The following WWOX variants were observed in gnomAD, a reference collection of about 807,000 sequenced individuals.
WWOX encodes the protein WW domain containing oxidoreductase.
A neutral mutation model predicts 46.2 loss-of-function variants in WWOX; 69 were observed. The ratio of observed to expected loss-of-function variants is 1.49; its 90% confidence interval spans 1.23 to 1.82. The LOEUF (loss-of-function observed/expected upper bound fraction) is 1.82. Among genes scored for constraint, WWOX ranks in the 40% most tolerant of loss-of-function variants. The probability of loss-of-function intolerance (pLI) is 0.00; values close to 1 mark genes in which losing one functional copy is unlikely to be tolerated. For synonymous variants in WWOX, 359 were observed against 202.6 expected (o/e 1.77, Z -6.56); for missense variants, 919 against 542.6 (o/e 1.69, Z -6.89).
At chr16:78,643,803 G>T (rs946746572) in intron 8 of WWOX, among the ~76,000 whole-genome samples, 13 of 147,788 alleles carry the variant, frequency 8.8e-5, no homozygotes, top group African/African-American at 3.0e-4. Context: ...GTTGAAATGG[G>T]ATGGAGGAAA....
chr16:79,015,514 C>T (rs958233095), intron 8 of WWOX, among the ~76,000 whole-genome samples: 4 of 152,100 alleles, frequency 2.6e-5, no homozygotes, highest in African/African-American at 9.7e-5. Context: ...TCTTTTCCTT[C>T]CAATGAGAAG....
chr16:78,841,832 G>C (rs1311705176), intron 8 of WWOX, among the ~76,000 whole-genome samples: 1 of 152,182 alleles, frequency 6.6e-6, no homozygotes, highest in African/African-American at 2.4e-5. Flanking sequence ...GGTAGATTAT[G>C]TTATTCATGA....
At chr16:79,077,645 T>TG (rs2048683375) in intron 8 of WWOX, 1 of 151,356 alleles carries the variant, frequency 6.6e-6, no homozygotes. Context: ...GTCCCCCCTT[T>TG]TTTTTTTTTT....
intron 5 of WWOX, among the ~76,000 whole-genome samples, chr16:78,196,405 C>G (rs76497356): frequency 0.033 from 5,081 of 152,292 alleles, 165 homozygotes; most frequent in East Asian, 0.17. Flanking sequence ...TACTGCTGTA[C>G]TCTTTAACCA....
intron 5 of WWOX, chr16:78,167,483 A>G (rs1239504794): frequency 6.6e-6 from 1 of 152,216 alleles, no homozygotes; most frequent in African/African-American, 2.4e-5. Context: ...ATTATTCAGA[A>G]TCATTCACCG....
chr16:78,141,430 C>CTTTT (rs10639685), intron 4 of WWOX, among the ~76,000 whole-genome samples: 2,224 of 118,814 alleles, frequency 0.019, 92 homozygotes, highest in African/African-American at 0.066. Context: ...CATCCCCCTT[C>CTTTT]TTTTTTTTTT....
chr16:78,797,358 T>TTAAAAAAA (rs2050766312), intron 8 of WWOX, among the ~76,000 whole-genome samples: 2 of 116,644 alleles, frequency 1.7e-5, no homozygotes, highest in African/African-American at 7.6e-5. Flanking sequence ...GTCAAAGTGG[T>TTAAAAAAA]AAAAAAAAAA....
intron 8 of WWOX, among the ~76,000 whole-genome samples, chr16:79,114,826 C>T (rs977056547): frequency 6.6e-6 from 1 of 152,132 alleles, no homozygotes; most frequent in Non-Finnish European, 1.5e-5. Context: ...ATCAAGGGGC[C>T]GTGGGTGACA....
chr16:79,159,599 G>T (rs2050445730), intron 8 of WWOX, among the ~76,000 whole-genome samples: 1 of 152,198 alleles, frequency 6.6e-6, no homozygotes, highest in Non-Finnish European at 1.5e-5. Flanking sequence ...AGGAGGCTCA[G>T]GGTAGCTGAT....
At chr16:79,135,137 T>C (rs980275983) in intron 8 of WWOX, among the ~76,000 whole-genome samples, 6 of 152,242 alleles carry the variant, frequency 3.9e-5, no homozygotes, top group Admixed American at 6.5e-5. Flanking sequence ...AGGAAATGTT[T>C]TCTTCTTATA....
chr16:79,166,208 T>C (rs2050591271), intron 8 of WWOX, among the ~76,000 whole-genome samples: 1 of 152,198 alleles, frequency 6.6e-6, no homozygotes, highest in African/African-American at 2.4e-5. Flanking sequence ...TTGACTTCAA[T>C]CACTTCTGGA....
At chr16:78,716,774 A>G (rs2048572005) in intron 8 of WWOX, among the ~76,000 whole-genome samples, 1 of 152,142 alleles carries the variant, frequency 6.6e-6, no homozygotes, top group African/African-American at 2.4e-5. Flanking sequence ...TCTTCCTTAT[A>G]GTCCTGGAGA....
intron 8 of WWOX, among the ~76,000 whole-genome samples, chr16:79,152,951 C>T (rs1462592650): frequency 1.3e-5 from 2 of 152,016 alleles, no homozygotes; most frequent in Admixed American, 6.6e-5. Flanking sequence ...GAGGACTGCT[C>T]CTAGCGTGAG....
chr16:78,783,903 C>T lies in WWOX; in HGVS notation c.1056+351151C>T, dbSNP rs147782190. Among the ~76,000 whole-genome samples the T allele has an allele frequency of 2.2e-3, 306 of 138,904 alleles. 2 individuals are homozygous for T. The highest frequency in any genetic ancestry group is 7.1e-3 in the African/African-American group (278 of 39,090). 91.1% of individuals were successfully genotyped at this position (138,904 alleles called of 152,430 possible). A position where few individuals can be genotyped will look rare whatever the true frequency, so the allele number is the denominator to read the frequency against. ...ATGATAATGGTGATGATGGTGATGA[C>T]GATGGTGATGATGATGTCGATAATG... On this transcript the variant is annotated intron_variant, in intron 8 of 8. Transcript: ENST00000566780.
At chr16:78,124,244 C>T (rs2033257897) in intron 4 of WWOX, 1 of 151,950 alleles carries the variant, frequency 6.6e-6, no homozygotes, top group South Asian at 2.1e-4. Flanking sequence ...ATACTTGTAA[C>T]ATTGCAAAGC....
chr16:78,162,825 TTTTG>T (rs2034840667), intron 4 of WWOX, among the ~76,000 whole-genome samples: 1 of 152,188 alleles, frequency 6.6e-6, no homozygotes, highest in African/African-American at 2.4e-5. Context: ...CTTTGGATTT[TTTTG>T]TTAACTTATT....
chr16:78,360,768 G>A (rs1004459344), intron 5 of WWOX, among the ~76,000 whole-genome samples: 2 of 151,772 alleles, frequency 1.3e-5, no homozygotes, highest in African/African-American at 2.4e-5. Flanking sequence ...TTTATTCCAG[G>A]ATCTAGTCCA....
intron 8 of WWOX, among the ~76,000 whole-genome samples, chr16:78,689,712 A>G (rs1375853824): frequency 6.6e-6 from 1 of 152,106 alleles, no homozygotes; most frequent in Non-Finnish European, 1.5e-5. Flanking sequence ...CTGTTCCTTG[A>G]CTATAAATCT....
At chr16:79,034,593 A>T (rs2047829690) in intron 8 of WWOX, among the ~76,000 whole-genome samples, 1 of 151,984 alleles carries the variant, frequency 6.6e-6, no homozygotes, top group African/African-American at 2.4e-5. Flanking sequence ...TCTGTTGTGG[A>T]GTGATTATCT....
Sources: gnomAD v4.1 joint callset for allele counts (sites outside exome capture counted in the v4.1 genomes callset) on GRCh38, gnomAD v4.1.1 for gene constraint, MANE v1.5 for transcripts, NCBI Gene and HGNC (gene_info 2026-07-23, HGNC 2026-07-21) for gene names.